The following VPS8 variants were observed in gnomAD, a reference collection of about 807,000 sequenced individuals.
VPS8 encodes the protein VPS8 subunit of CORVET complex.
In VPS8, 129 loss-of-function variants were observed where a neutral mutation model predicts 216.4. The observed-to-expected ratio is 0.60, with a 90% CI of 0.52 to 0.69. VPS8 has a LOEUF of 0.69. VPS8 is among the 30% of genes least tolerant of loss of function. VPS8 has a pLI of 0.00. For synonymous variants in VPS8, 571 were observed against 565.4 expected, an observed-to-expected ratio of 1.01 and a Z score of -0.14; for missense variants, 1,531 against 1,683.5, an observed-to-expected ratio of 0.91 and a Z score of 1.59.
In VPS8 at chr3:184,870,792, A is replaced by G. The variant is rs1005905682; in HGVS notation, c.1721A>G (p.Glu574Gly). 8 of 1,611,290 alleles carry G rather than the reference A, an allele frequency of 5.0e-6. No homozygotes were observed. The highest frequency in any genetic ancestry group is 2.7e-5 in the African/African-American group (2 of 74,872). ...GACCAAGGAAAAATCCAAGTGATGG[A>G]GCAGCATTTTCAGGTACACATTGCA... ...CPDQGKIQVM[E>G]QHFQDMVPVI... The change falls in exon 21 of 48, where the codon GAG (glutamate) becomes GGG (glycine). Residue 574 changes from glutamate (E) to glycine (G), a missense_variant. This residue lies in a region of VPS8 where 1,318 missense variants were observed against 1,468.4 expected (regional missense o/e 0.90). Coordinates refer to ENST00000625842, the MANE Select transcript of VPS8 (RefSeq NM_001009921.3).
At chr3:184,864,677 C>G (rs1727004667) in intron 16 of VPS8, among the ~76,000 whole-genome samples, 1 of 152,188 alleles carries the variant, frequency 6.6e-6, no homozygotes, top group African/African-American at 2.4e-5. Flanking sequence ...TCCCAGCTAA[C>G]ACATCTTAAA....
rs767940348 is a variant in VPS8 at position 185,029,567 on chromosome 3, C to CT, written c.4056+5193dup. ...GTGCATCACATTCCACAACATGTATCTTTTTTTTTTTTTTTGAGACGGAGT... is the reference window on the plus strand; with the variant it reads ...GTGCATCACATTCCACAACATGTATCTTTTTTTTTTTTTTTTGAGACGGAGT... On this transcript the variant is annotated intron_variant, in intron 46 of 47. Transcript: ENST00000625842. 5.6e-3 allele frequency among the ~76,000 whole-genome samples: 802 copies of CT among 143,966 alleles called. 7 individuals are homozygous for CT. The highest frequency in any genetic ancestry group is 0.013 in the Admixed American group (183 of 14,414). The allele number at this position is 143,966 out of a possible 152,430, so 94.4% of individuals were successfully genotyped here.
intron 16 of VPS8, among the ~76,000 whole-genome samples, chr3:184,866,624 A>G (rs1727408592): frequency 6.6e-6 from 1 of 152,244 alleles, no homozygotes; most frequent in Non-Finnish European, 1.5e-5. Flanking sequence ...TTTATGATCT[A>G]TAGAAGCAAT....
chr3:184,876,036 C>T (rs1264567299), intron 21 of VPS8, among the ~76,000 whole-genome samples: 1 of 151,764 alleles, frequency 6.6e-6, no homozygotes, highest in Admixed American at 6.6e-5. Context: ...TCCTTCTCAT[C>T]CCTTAACCTA....
chr3:184,888,325 G>A lies in VPS8; in HGVS notation c.1781+2169G>A, dbSNP rs77035106. ...TTATATTACACATGGTCTGCTTTAT[G>A]AGGGCCTACGGGAGAAATTTCTTTC... On this transcript the variant is annotated intron_variant, in intron 22 of 47. Transcript: ENST00000625842. Among the ~76,000 whole-genome samples, 11 of 152,242 alleles carry A rather than the reference G, an allele frequency of 7.2e-5. No homozygotes were observed. In the South Asian group the frequency reaches 2.1e-3, roughly 29 times the overall value.
intron 40 of VPS8, among the ~76,000 whole-genome samples, chr3:184,977,211 T>C (rs933547966): frequency 6.6e-6 from 1 of 152,234 alleles, no homozygotes; most frequent in Non-Finnish European, 1.5e-5. Context: ...TGATTAGTGA[T>C]GCGTAGCATT....
chr3:184,885,044 A>T (rs1730960018), intron 21 of VPS8, among the ~76,000 whole-genome samples: 1 of 152,192 alleles, frequency 6.6e-6, no homozygotes, highest in African/African-American at 2.4e-5. Context: ...TGAAGAATCA[A>T]ATCTACATGT....
chr3:184,948,156 C>G (rs1744020790), intron 36 of VPS8, among the ~76,000 whole-genome samples: 1 of 151,786 alleles, frequency 6.6e-6, no homozygotes, highest in South Asian at 2.1e-4. Context: ...CCAGTTTTAG[C>G]CTTATTATAC....
chr3:184,934,865 G>A (rs921552297), intron 34 of VPS8, among the ~76,000 whole-genome samples: 1 of 152,160 alleles, frequency 6.6e-6, no homozygotes, highest in Admixed American at 6.5e-5. Context: ...CTCTTACAAT[G>A]AGCTGAAGAA....
rs1725120004 is a variant in VPS8 at position 184,855,725 on chromosome 3, T to G, written c.1050T>G (p.Ser350Arg). Residue 350 changes from serine to arginine, a missense_variant, in exon 14 of 48, where the codon AGT becomes AGG. Transcript: ENST00000625842. ...TCCCTACTTAGATGGATCCTTCCAG[T>G]GTGCCACTGCTGGCCTGGCACTTTG... is the stretch of plus-strand genomic sequence containing the variant. ...TFPYGRMDPS[S>R]VPLLAWHFVA... 11 of 1,612,978 alleles carry G rather than the reference T, an allele frequency of 6.8e-6. No individual in the cohort carries two copies. Among genetic ancestry groups the G allele is most frequent in the Non-Finnish European group, 8.5e-6 (10 of 1,179,494 alleles).
At chr3:184,846,094 C>A (rs914146926) in intron 8 of VPS8, among the ~76,000 whole-genome samples, 3 of 152,132 alleles carry the variant, frequency 2.0e-5, no homozygotes, top group Non-Finnish European at 4.4e-5. Context: ...ATTACCAAGA[C>A]ATACTGTAGT....
At chr3:184,883,685 C>A (rs1023481013) in intron 21 of VPS8, among the ~76,000 whole-genome samples, 3 of 152,060 alleles carry the variant, frequency 2.0e-5, no homozygotes, top group Non-Finnish European at 4.4e-5. Flanking sequence ...TCAGATGCCC[C>A]CACCCTACAG....
intron 45 of VPS8, among the ~76,000 whole-genome samples, chr3:185,018,352 T>A (rs187825384): frequency 9.2e-5 from 14 of 152,342 alleles, no homozygotes; most frequent in African/African-American, 3.4e-4. Context: ...GGAAGGATAT[T>A]GTTCTGCACC....
intron 35 of VPS8, among the ~76,000 whole-genome samples, chr3:184,939,499 T>C (rs1742260207): frequency 6.6e-6 from 1 of 151,650 alleles, no homozygotes; most frequent in South Asian, 2.1e-4. Context: ...AAGGTTTATC[T>C]CATTTAACCC....
chr3:184,903,738 G>C lies in VPS8; in HGVS notation c.2146+2766G>C, dbSNP rs901374888. Among the ~76,000 whole-genome samples, 18 of 152,144 alleles carry C rather than the reference G, an allele frequency of 1.2e-4. 1 individual carries two copies. On this transcript the variant is annotated intron_variant, in intron 25 of 47. Coordinates refer to ENST00000625842, the MANE Select transcript of VPS8 (RefSeq NM_001009921.3). ...GCTGAGATTACAGGTGTGAGCCACTGTACCCAGCTTATTTTGGTCTTAAAG... is the reference window on the plus strand; with the variant it reads ...GCTGAGATTACAGGTGTGAGCCACTCTACCCAGCTTATTTTGGTCTTAAAG...
intron 44 of VPS8, among the ~76,000 whole-genome samples, chr3:184,998,825 G>A (rs1426363853): frequency 6.6e-6 from 1 of 151,812 alleles, no homozygotes; most frequent in African/African-American, 2.4e-5. Flanking sequence ...TGAATTTGGT[G>A]AGCAGACCAC....
chr3:184,952,361 C>G (rs1744850030), intron 36 of VPS8, among the ~76,000 whole-genome samples: 1 of 152,194 alleles, frequency 6.6e-6, no homozygotes, highest in Non-Finnish European at 1.5e-5. Context: ...CCTACAATTT[C>G]ACTCATTTCT....
intron 23 of VPS8, among the ~76,000 whole-genome samples, chr3:184,897,480 A>AT (rs903489753): frequency 2.6e-5 from 4 of 152,106 alleles, no homozygotes; most frequent in African/African-American, 4.8e-5. Flanking sequence ...TGGCCATTTT[A>AT]TTTTGAGATC....
chr3:184,909,715 T>C lies in VPS8; in HGVS notation c.2147-3804T>C, dbSNP rs568239721. 3.3e-5 allele frequency among the ~76,000 whole-genome samples: 5 copies of C among 152,358 alleles called. No individual in the cohort carries two copies. The East Asian group carries it at 9.6e-4, about 29-fold the overall frequency. On this transcript the variant is annotated intron_variant, in intron 25 of 47. Coordinates refer to ENST00000625842, the MANE Select transcript of VPS8 (RefSeq NM_001009921.3). The stretch of plus-strand genomic sequence containing the variant: ...AATTATAATAGCGCTTTAAAATCTT[T>C]GCTTGTTCTCACATTTTGTTCATCC...
Sources: allele counts gnomAD v4.1 joint callset (sites outside exome capture counted in the v4.1 genomes callset), GRCh38; gene constraint gnomAD v4.1.1; regional missense constraint gnomAD v4.1.1; transcripts MANE v1.5; gene names NCBI Gene and HGNC (gene_info 2026-07-23, HGNC 2026-07-21).